CTNNA3: variants seen among roughly 807,000 people sequenced by gnomAD.
CTNNA3 encodes the protein catenin alpha 3, also known as catenin alpha-3.
Under a neutral mutation model 95.7 loss-of-function variants are expected in CTNNA3, and 76 were observed. That is an observed-to-expected ratio of 0.79 (90% CI 0.66 to 0.96). CTNNA3 has a LOEUF of 0.96. Ranked by LOEUF, CTNNA3 falls within the 40% of genes least tolerant of loss-of-function variation. CTNNA3 has a pLI of 0.00. For synonymous variants in CTNNA3, 431 were observed against 374.4 expected (o/e 1.15, Z -1.74); for missense variants, 1,191 against 1,089.8 (o/e 1.09, Z -1.31).
intron 9 of CTNNA3, among the ~76,000 whole-genome samples, chr10:66,657,211 G>GC (rs1261324385): frequency 6.6e-6 from 1 of 152,084 alleles, no homozygotes; most frequent in African/African-American, 2.4e-5. Context: ...TCTTGATTTG[G>GC]CTGCCCAATT....
At chr10:67,012,291 A>AT (rs1336555007) in intron 7 of CTNNA3, 1 of 152,148 alleles carries the variant, frequency 6.6e-6, no homozygotes, top group Non-Finnish European at 1.5e-5. Context: ...AGAGAACTGA[A>AT]ACCCAGAGAA....
intron 9 of CTNNA3, among the ~76,000 whole-genome samples, chr10:66,759,116 T>C (rs1487776989): frequency 2.0e-5 from 3 of 151,934 alleles, no homozygotes; most frequent in Admixed American, 6.6e-5. Flanking sequence ...TGAAGTGAAA[T>C]TTTCAAAAGG....
At chr10:67,102,284 T>C (rs777431154) in intron 7 of CTNNA3, among the ~76,000 whole-genome samples, 7 of 151,744 alleles carry the variant, frequency 4.6e-5, no homozygotes, top group Non-Finnish European at 8.8e-5. Flanking sequence ...CAATCAACAA[T>C]TGGGCTTCAT....
rs187930896 is a variant in CTNNA3, at chr10:66,029,614, C to G, written c.2159+39694G>C. Among the ~76,000 whole-genome samples, 28 of 152,298 alleles carry G rather than the reference C, an allele frequency of 1.8e-4. No individual in the cohort carries two copies. The East Asian group carries it at 2.9e-3, about 16-fold the overall frequency. On this transcript the variant is annotated intron_variant, in intron 15 of 17. Transcript: ENST00000433211. ...ACCCTGCTTTATGTTTTCATTTCCCCATAGCTTTCTTAAATGTGATGTAAT... is the reference window on the plus strand; with the variant it reads ...ACCCTGCTTTATGTTTTCATTTCCCGATAGCTTTCTTAAATGTGATGTAAT...
At chr10:66,443,084 T>G (rs1447352418) in intron 11 of CTNNA3, among the ~76,000 whole-genome samples, 1 of 152,054 alleles carries the variant, frequency 6.6e-6, no homozygotes, top group Non-Finnish European at 1.5e-5. Flanking sequence ...GAGATCAAAC[T>G]GCAAGGCCAC....
intron 12 of CTNNA3, among the ~76,000 whole-genome samples, chr10:66,374,188 AAG>A (rs2092775705): frequency 6.6e-6 from 1 of 152,212 alleles, no homozygotes; most frequent in Non-Finnish European, 1.5e-5. Flanking sequence ...GTCTGTCTTT[AAG>A]GACATTACAA....
In CTNNA3 at chr10:66,015,119, AT is replaced by A. The variant is rs574290744; in HGVS notation, c.2160-26323del. ...TCTGTCTCAAAAAATAATAATAATA[AT>A]AATAAAATAAAATAAAATAAACTTT... On this transcript the variant is annotated intron_variant, in intron 15 of 17. Coordinates refer to ENST00000433211, the MANE Select transcript of CTNNA3 (RefSeq NM_013266.4). Among the ~76,000 whole-genome samples, 39 of 151,598 alleles carry A rather than the reference AT, an allele frequency of 2.6e-4. 1 individual carries two copies. The highest frequency in any genetic ancestry group is 8.4e-4 in the African/African-American group (35 of 41,428).
intron 7 of CTNNA3, among the ~76,000 whole-genome samples, chr10:66,907,820 A>C (rs568119428): frequency 1.3e-5 from 2 of 152,218 alleles, no homozygotes; most frequent in Non-Finnish European, 2.9e-5. Flanking sequence ...CTGATGAAAT[A>C]AGGTAATTAA....
At chr10:66,641,809 A>C (rs574742386) in intron 9 of CTNNA3, among the ~76,000 whole-genome samples, 1 of 152,246 alleles carries the variant, frequency 6.6e-6, no homozygotes, top group East Asian at 1.9e-4. Flanking sequence ...CTCCTTGTTA[A>C]AAGTACTTCA....
intron 7 of CTNNA3, among the ~76,000 whole-genome samples, chr10:66,959,016 C>T (rs1006898066): frequency 6.6e-6 from 1 of 152,078 alleles, no homozygotes; most frequent in Non-Finnish European, 1.5e-5. Context: ...TCTACAGACC[C>T]TTCTCTCTTA....
chr10:66,763,816 C>A (rs1403813077), intron 9 of CTNNA3, among the ~76,000 whole-genome samples: 1 of 152,152 alleles, frequency 6.6e-6, no homozygotes, highest in African/African-American at 2.4e-5. Context: ...CAGTCGACAA[C>A]CACAGCTAAG....
intron 5 of CTNNA3, among the ~76,000 whole-genome samples, chr10:67,426,274 A>T (rs1845919616): frequency 6.6e-6 from 1 of 152,056 alleles, no homozygotes; most frequent in African/African-American, 2.4e-5. Flanking sequence ...GGAGCAAACA[A>T]ATATGTCTGG....
chr10:67,699,305 C>T (rs1323399435), upstream of CTNNA3, among the ~76,000 whole-genome samples: 3 of 152,166 alleles, frequency 2.0e-5, no homozygotes, highest in Non-Finnish European at 2.9e-5. Context: ...TTGTCCACCA[C>T]CCCTATGTTT....
At chr10:67,507,251 C>T (rs1300761599) in intron 5 of CTNNA3, among the ~76,000 whole-genome samples, 1 of 151,994 alleles carries the variant, frequency 6.6e-6, no homozygotes, top group Non-Finnish European at 1.5e-5. Flanking sequence ...AAATCAAGGC[C>T]GGGTGCAGTG....
intron 13 of CTNNA3, among the ~76,000 whole-genome samples, chr10:66,276,186 T>G (rs1485552387): frequency 7.9e-5 from 12 of 152,052 alleles, no homozygotes; most frequent in Non-Finnish European, 1.6e-4. Context: ...ACACAGAAAA[T>G]GCAAACTTGA....
intron 6 of CTNNA3, among the ~76,000 whole-genome samples, chr10:67,198,356 G>A (rs1172833219): frequency 6.6e-6 from 1 of 152,196 alleles, no homozygotes; most frequent in African/African-American, 2.4e-5. Context: ...AGTCACGAAG[G>A]TCTTACTTTA....
chr10:67,011,944 G>A (rs549495537), intron 7 of CTNNA3, among the ~76,000 whole-genome samples: 35 of 152,174 alleles, frequency 2.3e-4, no homozygotes, highest in Admixed American at 1.4e-3. Context: ...AGCCCCAGGA[G>A]TACCCATCCA....
intron 15 of CTNNA3, among the ~76,000 whole-genome samples, chr10:66,065,498 A>G (rs1000894342): frequency 6.6e-6 from 1 of 151,956 alleles, no homozygotes; most frequent in Non-Finnish European, 1.5e-5. Context: ...TTTTCCATTC[A>G]CCATTTCGTA....
Position 67,395,641 on chromosome 10 carries a change from C to A in CTNNA3, c.579+126201G>T, listed in dbSNP as rs1201491773. On this transcript the variant is annotated intron_variant, in intron 5 of 17. Transcript: ENST00000433211. ...AATATCTATATTGGAAAAGTACAAA[C>A]AGAACTAACAGAAGCATAATGGAAC... 3.3e-5 allele frequency among the ~76,000 whole-genome samples: 5 copies of A among 152,112 alleles called. 1 individual carries two copies. Among genetic ancestry groups the A allele is most frequent in the Admixed American group, 2.0e-4 (3 of 15,264 alleles).
Sources: allele counts gnomAD v4.1 joint callset (sites outside exome capture counted in the v4.1 genomes callset), GRCh38; gene constraint gnomAD v4.1.1; transcripts MANE v1.5; gene names NCBI Gene and HGNC (gene_info 2026-07-23, HGNC 2026-07-21).